The following HERC5 variants were observed in gnomAD, a reference collection of about 807,000 sequenced individuals.
HERC5 encodes the protein HECT and RLD domain containing E3 ubiquitin protein ligase 5.
A neutral mutation model predicts 119.6 loss-of-function variants in HERC5; 99 were observed. The ratio of observed to expected loss-of-function variants is 0.83; its 90% CI spans 0.70 to 0.98. HERC5 has a LOEUF of 0.98. HERC5 is among the 50% of genes least tolerant of loss of function. The pLI, the probability that HERC5 is intolerant of heterozygous loss-of-function variation, is 0.00. For synonymous variants in HERC5, 478 were observed against 445.9 expected (o/e 1.07, Z -0.91); for missense variants, 1,267 against 1,241.3 (o/e 1.02, Z -0.31).
intron 5 of HERC5, 72 bp downstream of exon 5, chr4:88,463,695 A>G (rs763935263): frequency 7.6e-6 from 11 of 1,452,784 alleles, no homozygotes; most frequent in Non-Finnish European, 7.7e-6. Flanking sequence ...AGTGTTTCCC[A>G]GAGAAGAAAG....
Position 88,486,537 on chromosome 4 carries a change from G to GGAGCCAA in HERC5, c.1851+319_1851+325dup, listed in dbSNP as rs1230152280. ...CATAACAAGGCAGTGAGACTCATCA[G>GGAGCCAA]GAGCCAAGAGCCAAGACCCTGTGGG... On this transcript the variant is annotated intron_variant, in intron 14 of 22. Coordinates refer to ENST00000264350, the MANE Select transcript of HERC5 (RefSeq NM_016323.4). Among the ~76,000 whole-genome samples, 8 of 152,300 alleles carry GGAGCCAA rather than the reference G, an allele frequency of 5.3e-5. No homozygotes were observed. The East Asian group carries it at 1.5e-3, about 29-fold the overall frequency.
chr4:88,504,429 T>G lies in HERC5; in HGVS notation c.2766+14T>G, dbSNP rs1336378569. 6.3e-7 allele frequency: 1 copy of G among 1,576,136 alleles called. No homozygotes were observed. The highest frequency in any genetic ancestry group is 1.2e-5 in the South Asian group (1 of 85,760). The stretch of plus-strand genomic sequence containing the variant: ...ACATTTGAAAAGGTACATCATCAAG[T>G]CTAAGTTGATTAAATTCAGTTTTCC... On this transcript the variant is annotated intron_variant, in intron 21 of 22. Coordinates refer to ENST00000264350, the MANE Select transcript of HERC5 (RefSeq NM_016323.4).
intron 16 of HERC5, among the ~76,000 whole-genome samples, chr4:88,490,473 T>C (rs1010769429): frequency 2.6e-5 from 4 of 152,200 alleles, no homozygotes; most frequent in African/African-American, 4.8e-5. Flanking sequence ...GTATTTTTTA[T>C]TGGGGACCTT....
chr4:88,493,006 C>T lies in HERC5; in HGVS notation c.2134-6C>T. 1 of 1,613,210 alleles carries T rather than the reference C, an allele frequency of 6.2e-7. No homozygotes were observed. The highest frequency in any genetic ancestry group is 1.7e-4 in the Middle Eastern group (1 of 6,058). ...AAGTGATGTATTATTTGCTCTGTTTCCTCAGGTTTCATTTAGTGGAGAAAT... is the reference window on the plus strand; with the variant it reads ...AAGTGATGTATTATTTGCTCTGTTTTCTCAGGTTTCATTTAGTGGAGAAAT... On this transcript the variant is annotated splice_polypyrimidine_tract_variant and splice_region_variant and intron_variant, in intron 16 of 22. Coordinates refer to ENST00000264350, the MANE Select transcript of HERC5 (RefSeq NM_016323.4).
chr4:88,505,900 C>T lies in HERC5; in HGVS notation c.*22C>T. On this transcript the variant is annotated 3_prime_UTR_variant, in exon 23 of 23. Transcript: ENST00000264350. ...CTGACCAGCTTGCTTGTCCAACAGC[C>T]TTATTTTGTTGTTGTTATCGTTGTT... The T allele has an allele frequency of 6.4e-7, 1 of 1,557,628 alleles. No individual in the cohort carries two copies.
chr4:88,468,420 G>A lies in HERC5; in HGVS notation c.1132G>A (p.Glu378Lys). Residue 378 changes from glutamate to lysine, a missense_variant and splice_region_variant, in exon 8 of 23, where the codon GAG becomes AAG. Glu to Lys is a moderately conservative substitution (Grantham distance 56). Coordinates refer to ENST00000264350, the MANE Select transcript of HERC5 (RefSeq NM_016323.4). Reference sequence around the variant, plus strand: ...AAGCATTTTGCTCTGGATAAAGAAAGAGGTAAAAATAGATCTCCAGGTGTT... The same window carrying A: ...AAGCATTTTGCTCTGGATAAAGAAAAAGGTAAAAATAGATCTCCAGGTGTT... Reference protein sequence around the residue: ...NQSILLWIKKENSYVNLKRTI... With the variant: ...NQSILLWIKKKNSYVNLKRTI... 1.2e-6 allele frequency: 2 copies of A among 1,603,718 alleles called. No homozygotes were observed. The highest frequency in any genetic ancestry group is 1.7e-6 in the Non-Finnish European group (2 of 1,171,770).
rs772778692 is a variant in HERC5, at chr4:88,493,206, C to CA, written c.2277+52dup. 2.0e-6 allele frequency: 3 copies of CA among 1,530,960 alleles called. No individual in the cohort carries two copies. In the African/African-American group the frequency reaches 4.1e-5, roughly 21 times the overall value. 94.8% of individuals were successfully genotyped at this position (1,530,960 alleles called of 1,614,324 possible). On this transcript the variant is annotated intron_variant, in intron 17 of 22. Coordinates refer to ENST00000264350, the MANE Select transcript of HERC5 (RefSeq NM_016323.4). The stretch of plus-strand genomic sequence containing the variant: ...GTATTTTGCGACAGAAAAAGTACAC[C>CA]ATATACCATAGAAAATTAGTTTGTC...
chr4:88,499,824 C>T, intron 18 of HERC5, 102 bp from the exon 19 acceptor site: 2 of 794,458 alleles, frequency 2.5e-6, no homozygotes, highest in East Asian at 2.5e-5. Flanking sequence ...TATACCTGAC[C>T]TCATACCTTC....
In HERC5 at chr4:88,482,217, G is replaced by A. The variant is rs565651163; in HGVS notation, c.1737+2710G>A. The stretch of plus-strand genomic sequence containing the variant: ...CCCAGCTGCTTGGGAGGCTGAGGCA[G>A]GAGAGTCGCTTGAATCCAGGAGGCA... On this transcript the variant is annotated intron_variant, in intron 13 of 22. Transcript: ENST00000264350. Among the ~76,000 whole-genome samples the A allele has an allele frequency of 3.6e-3, 553 of 152,020 alleles. 1 individual carries two copies. Among genetic ancestry groups the A allele is most frequent in the African/African-American group, 0.013 (521 of 41,468 alleles).
Position 88,493,140 on chromosome 4 carries a change from G to A in HERC5, c.2262G>A (p.Met754Ile). The A allele has an allele frequency of 6.2e-7, 1 of 1,613,856 alleles. No homozygotes were observed. The highest frequency in any genetic ancestry group is 8.5e-7 in the Non-Finnish European group (1 of 1,179,862). The stretch of plus-strand genomic sequence containing the variant: ...TGTATCCTGAAGGGGCTTCCTGCAT[G>A]TGGTTTCCTGTCAAGGTAAGTTCCC... ...MFMYPEGASC[M>I]WFPVKPKFEK... Residue 754 changes from methionine to isoleucine, a missense_variant, in exon 17 of 23, where the codon ATG becomes ATA. Met to Ile is a conservative substitution (Grantham distance 10, BLOSUM62 1). This residue lies in a region of HERC5 where 473 missense variants were observed against 445.7 expected (regional missense o/e 1.06). Transcript: ENST00000264350.
At position 88,478,286 on chromosome 4, in the gene HERC5, A is replaced by G. The variant is rs72881108; in HGVS notation, c.1583-1067A>G. Among the ~76,000 whole-genome samples, 1,377 of 152,350 alleles carry G rather than the reference A, an allele frequency of 9.0e-3. 23 individuals are homozygous for G. The highest frequency in any genetic ancestry group is 0.031 in the African/African-American group (1,294 of 41,572). On this transcript the variant is annotated intron_variant, in intron 12 of 22. Coordinates refer to ENST00000264350, the MANE Select transcript of HERC5 (RefSeq NM_016323.4). The stretch of plus-strand genomic sequence containing the variant: ...AAGTGTGCTTTTGTAATTATAATAT[A>G]TACTAAAATATTTTGTTATGTGTAT...
At chr4:88,500,182 G>A (rs763440850) in intron 19 of HERC5, among the ~76,000 whole-genome samples, 190 bp downstream of exon 19, 10 of 152,138 alleles carry the variant, frequency 6.6e-5, no homozygotes, top group Admixed American at 4.6e-4. Context: ...AAAACCTAGT[G>A]CCCTAAAAGA....
rs934184362 is a variant in HERC5 at position 88,473,995 on chromosome 4, G to A, written c.1392+1493G>A. 5.3e-5 allele frequency: 8 copies of A among 152,182 alleles called. No homozygotes were observed. The South Asian group carries it at 1.0e-3, about 20-fold the overall frequency. 9.4% of individuals were successfully genotyped at this position (152,182 alleles called of 1,614,324 possible). A position where few individuals can be genotyped will look rare whatever the true frequency, so the allele number is the denominator to read the frequency against. Reference sequence around the variant, plus strand: ...GTTTCTTTCTATCTTGAGGTTCTGCGATACGGACTCTCAGACCTTTGGCAT... The same window carrying A: ...GTTTCTTTCTATCTTGAGGTTCTGCAATACGGACTCTCAGACCTTTGGCAT... On this transcript the variant is annotated intron_variant, in intron 11 of 22. Transcript: ENST00000264350.
chr4:88,460,254 T>C, intron 3 of HERC5, 83 bp downstream of exon 3: 1 of 644,318 alleles, frequency 1.6e-6, no homozygotes, highest in African/African-American at 1.9e-5. Context: ...TATATTTCAC[T>C]TGTAACAGGA....
chr4:88,502,078 G>A (rs1388071114), intron 20 of HERC5, among the ~76,000 whole-genome samples: 1 of 152,298 alleles, frequency 6.6e-6, no homozygotes, highest in East Asian at 1.9e-4. Flanking sequence ...GATTACAGGC[G>A]TGAGCCACTG....
chr4:88,483,213 G>A (rs908671171), intron 13 of HERC5, among the ~76,000 whole-genome samples: 7 of 150,830 alleles, frequency 4.6e-5, no homozygotes, highest in Admixed American at 4.6e-4. Context: ...GGGGTTTGCT[G>A]TTGTTGTTGT....
At chr4:88,468,265 A>G in intron 7 of HERC5, 81 bp from the exon 8 acceptor site, 1 of 959,190 alleles carries the variant, frequency 1.0e-6, no homozygotes. Flanking sequence ...GTTTAAGAAG[A>G]ATCTGAAGTT....
intron 13 of HERC5, among the ~76,000 whole-genome samples, chr4:88,480,195 C>G (rs1741234553): frequency 6.6e-6 from 1 of 151,912 alleles, no homozygotes; most frequent in African/African-American, 2.4e-5. Context: ...TTCCCTTGCT[C>G]TTACTATTTT....
chr4:88,463,808 T>C lies in HERC5; in HGVS notation c.781-47T>C, dbSNP rs761521148. ...CACTTTGCATCAGTGAATACTACTT[T>C]TTTATTTTATTTTTCTAGCATCTGA... On this transcript the variant is annotated intron_variant, in intron 5 of 22. Transcript: ENST00000264350. 7.5e-5 allele frequency: 120 copies of C among 1,604,500 alleles called. No individual in the cohort carries two copies. The East Asian group carries it at 2.6e-3, about 35-fold the overall frequency.
Sources: gnomAD v4.1 joint callset for allele counts (sites outside exome capture counted in the v4.1 genomes callset) on GRCh38, gnomAD v4.1.1 for gene constraint, gnomAD v4.1.1 regional missense constraint, MANE v1.5 for transcripts, NCBI Gene and HGNC (gene_info 2026-07-23, HGNC 2026-07-21) for gene names.